Variants in CFAP43 observed in about 807,000 individuals in gnomAD.
CFAP43 encodes cilia- and flagella-associated protein 43.
A neutral mutation model predicts 218.9 loss-of-function variants in CFAP43; 155 were observed. That is an observed-to-expected ratio of 0.71 (90% confidence interval 0.62 to 0.81). CFAP43 has a LOEUF of 0.81. Among genes scored for constraint, CFAP43 ranks in the 30% least tolerant of loss-of-function variants. CFAP43 has a pLI of 0.00. For synonymous variants in CFAP43, 645 were observed against 681.3 expected (o/e 0.95, Z 0.83); for missense variants, 1,778 against 1,954.3 (o/e 0.91, Z 1.70).
intron 3 of CFAP43, among the ~76,000 whole-genome samples, chr10:104,223,734 G>A (rs1327163880): frequency 6.6e-6 from 1 of 152,216 alleles, no homozygotes; most frequent in Non-Finnish European, 1.5e-5. Flanking sequence ...GAGACACTCA[G>A]TTTGTGATAC....
intron 16 of CFAP43, among the ~76,000 whole-genome samples, chr10:104,183,722 G>A (rs531284662): frequency 6.6e-6 from 1 of 152,322 alleles, no homozygotes; most frequent in African/African-American, 2.4e-5. Context: ...TTTGTTTTGA[G>A]TCAGAAGTTT....
Position 104,191,789 on chromosome 10 carries a change from T to TG in CFAP43, c.1546+409dup, listed in dbSNP as rs34617952. 2.5e-3 allele frequency among the ~76,000 whole-genome samples: 361 copies of TG among 145,990 alleles called. 4 individuals are homozygous for TG. The highest frequency in any genetic ancestry group is 4.9e-3 in the African/African-American group (198 of 40,246). ...AGAATTTTAAAAAAAATTGTGTGTGTGGGGGGGGGGAAACACATATACAGT... is the reference window on the plus strand; with the variant it reads ...AGAATTTTAAAAAAAATTGTGTGTGTGGGGGGGGGGGAAACACATATACAGT... On this transcript the variant is annotated intron_variant, in intron 12 of 37. Transcript: ENST00000357060.
chr10:104,162,464 T>C, intron 24 of CFAP43, 61 bp from the exon 25 acceptor site: 17 of 1,405,420 alleles, frequency 1.2e-5, no homozygotes, highest in African/African-American at 2.8e-5. Flanking sequence ...AAACTTTCCT[T>C]CCACATACTG....
chr10:104,148,414 G>A (rs2134766449), intron 28 of CFAP43, among the ~76,000 whole-genome samples: 1 of 152,258 alleles, frequency 6.6e-6, no homozygotes, highest in Non-Finnish European at 1.5e-5. Context: ...TTATTACCCA[G>A]GGGTGTATAA....
chr10:104,180,817 C>T (rs1009136681), intron 17 of CFAP43, among the ~76,000 whole-genome samples: 11 of 152,104 alleles, frequency 7.2e-5, no homozygotes, highest in Admixed American at 3.9e-4. Context: ...ATGCCATGTT[C>T]TCCTGGTTCT....
At chr10:104,214,207 C>T (rs774688357) in intron 4 of CFAP43, 52 bp downstream of exon 4, 23 of 1,498,212 alleles carry the variant, frequency 1.5e-5, no homozygotes, top group South Asian at 2.8e-5. Flanking sequence ...TCACATTACA[C>T]GAATGCAAAC....
intron 1 of CFAP43, 75 bp downstream of exon 1, chr10:104,232,105 GGA>G (rs1187170193): frequency 1.3e-6 from 2 of 1,506,794 alleles, no homozygotes; most frequent in African/African-American, 1.4e-5. Flanking sequence ...GGAACCGGAG[GGA>G]GAGGAGGGAG....
At chr10:104,130,647 C>G (rs2087136819) in intron 37 of CFAP43, among the ~76,000 whole-genome samples, 1 of 152,156 alleles carries the variant, frequency 6.6e-6, no homozygotes. Context: ...ACCACATGTT[C>G]TCACTTATAA....
At chr10:104,173,103 A>T (rs763634845) in intron 19 of CFAP43, among the ~76,000 whole-genome samples, 50 of 152,220 alleles carry the variant, frequency 3.3e-4, no homozygotes, top group Admixed American at 5.2e-4. Flanking sequence ...CAAAATATTA[A>T]TGTCTTTAAT....
At chr10:104,218,740 C>T (rs1338367094) in intron 3 of CFAP43, 1 of 529,322 alleles carries the variant, frequency 1.9e-6, no homozygotes, top group East Asian at 4.4e-5. Context: ...TGCCCTTCCC[C>T]TCATCCTTTT....
intron 19 of CFAP43, among the ~76,000 whole-genome samples, chr10:104,178,275 T>A (rs540427104): frequency 2.6e-5 from 4 of 152,310 alleles, no homozygotes; most frequent in African/African-American, 9.6e-5. Context: ...AAAAATGCAC[T>A]CACAGATTGA....
At chr10:104,163,023 G>A (rs2088959807) in intron 24 of CFAP43, among the ~76,000 whole-genome samples, 1 of 152,158 alleles carries the variant, frequency 6.6e-6, no homozygotes, top group African/African-American at 2.4e-5. Flanking sequence ...AGCAGAGTGA[G>A]GTCCTTGCTG....
At chr10:104,216,694 T>C (rs601019) in intron 3 of CFAP43, among the ~76,000 whole-genome samples, 71,674 of 151,910 alleles carry the variant, frequency 0.47, 17,886 homozygotes, top group African/African-American at 0.66. Context: ...TCCTGATTCA[T>C]AGCAGTTCAT....
In CFAP43 at chr10:104,162,059, T is replaced by G; in HGVS notation, c.3334-18A>C. Reference sequence around the variant, plus strand: ...CTGGCATCCTGGGAAAGAGCCAGAATCAGAGAGGAATACTGAGACAGAGAC... The same window carrying G: ...CTGGCATCCTGGGAAAGAGCCAGAAGCAGAGAGGAATACTGAGACAGAGAC... On this transcript the variant is annotated intron_variant, in intron 25 of 37. Coordinates refer to ENST00000357060, the MANE Select transcript of CFAP43 (RefSeq NM_025145.7). The G allele has an allele frequency of 6.2e-7, 1 of 1,610,234 alleles. No individual in the cohort carries two copies. The highest frequency in any genetic ancestry group is 1.1e-5 in the South Asian group (1 of 90,382).
At chr10:104,210,385 T>C (rs945228451) in intron 5 of CFAP43, among the ~76,000 whole-genome samples, 1 of 152,284 alleles carries the variant, frequency 6.6e-6, no homozygotes, top group African/African-American at 2.4e-5. Flanking sequence ...AGTTTAGTTT[T>C]TGAGACGGAG....
At chr10:104,141,149 G>C (rs2087687275) in intron 33 of CFAP43, 148 bp from the exon 34 acceptor site, 1 of 822,078 alleles carries the variant, frequency 1.2e-6, no homozygotes, top group Non-Finnish European at 1.9e-6. Flanking sequence ...CTTTCCTAGA[G>C]GTCTCTCTGA....
At chr10:104,181,276 A>G (rs1040568065) in intron 17 of CFAP43, among the ~76,000 whole-genome samples, 5 of 152,014 alleles carry the variant, frequency 3.3e-5, no homozygotes, top group African/African-American at 1.2e-4. Flanking sequence ...CCAATTCATC[A>G]GTGAGTTCTA....
chr10:104,217,841 C>T (rs886435488), intron 3 of CFAP43, among the ~76,000 whole-genome samples: 11 of 152,148 alleles, frequency 7.2e-5, no homozygotes, highest in Non-Finnish European at 1.3e-4. Flanking sequence ...GGGACTTTCT[C>T]TCAATAATTA....
At chr10:104,201,426 C>CT (rs922635540) in intron 8 of CFAP43, among the ~76,000 whole-genome samples, 2 of 151,108 alleles carry the variant, frequency 1.3e-5, no homozygotes, top group Non-Finnish European at 1.5e-5. Flanking sequence ...TTGGGTTAAA[C>CT]TTTTTTTTTA....
Sources: allele counts gnomAD v4.1 joint callset (sites outside exome capture counted in the v4.1 genomes callset), GRCh38; gene constraint gnomAD v4.1.1; transcripts MANE v1.5; gene names NCBI Gene and HGNC (gene_info 2026-07-23, HGNC 2026-07-21).